GRB10: variants seen among roughly 807,000 people sequenced by gnomAD.
GRB10 encodes the protein growth factor receptor bound protein 10.
In GRB10, 20 loss-of-function variants were observed where a neutral mutation model predicts 80.9. That is an observed-to-expected ratio of 0.25 (90% CI 0.17 to 0.36). GRB10 has a LOEUF of 0.36. Ranked by LOEUF, GRB10 falls within the 10% of genes least tolerant of loss-of-function variation. GRB10 has a pLI of 1.00. For synonymous variants in GRB10, 291 were observed against 291.5 expected (o/e 1.00, Z 0.02); for missense variants, 548 against 747.7 (o/e 0.73, Z 3.12).
At chr7:50,654,488 G>A (rs969941702) in intron 7 of GRB10, among the ~76,000 whole-genome samples, 4 of 152,208 alleles carry the variant, frequency 2.6e-5, no homozygotes, top group African/African-American at 7.2e-5. Context: ...GGATGACCTG[G>A]TCAGTTCTGT....
chr7:50,611,399 G>A (rs535232379), intron 13 of GRB10, among the ~76,000 whole-genome samples: 39 of 152,290 alleles, frequency 2.6e-4, no homozygotes, highest in Admixed American at 1.0e-3. Context: ...ACTGAAAACC[G>A]GCTTACACAG....
At chr7:50,670,377 C>T (rs1425169900) in intron 6 of GRB10, among the ~76,000 whole-genome samples, 1 of 152,050 alleles carries the variant, frequency 6.6e-6, no homozygotes, top group East Asian at 1.9e-4. Context: ...TGCATTAATA[C>T]TACCGAACTG....
In GRB10 at chr7:50,755,908, G is replaced by A. The variant is rs1449259995; in HGVS notation, c.-68C>T. 2 of 398,730 alleles carry A rather than the reference G, an allele frequency of 5.0e-6. No homozygotes were observed. The highest frequency in any genetic ancestry group is 4.1e-5 in the African/African-American group (2 of 48,640). 24.7% of individuals were successfully genotyped at this position (398,730 alleles called of 1,614,324 possible). On this transcript the variant is annotated 5_prime_UTR_variant, in exon 3 of 19. Transcript: ENST00000401949. Reference sequence around the variant, plus strand: ...TTACCTGTCAGGAGTTGGCTCTGTAGCACTGTCTGCTGGGGCGGCCACCCT... The same window carrying A: ...TTACCTGTCAGGAGTTGGCTCTGTAACACTGTCTGCTGGGGCGGCCACCCT...
chr7:50,710,851 G>A (rs1224501687), intron 4 of GRB10: 1 of 1,611,748 alleles, frequency 6.2e-7, no homozygotes, highest in African/African-American at 1.3e-5. Context: ...GGTACTGAGT[G>A]TTCGGTAGAC....
chr7:50,619,136 T>A (rs2051185330), intron 9 of GRB10, 34 bp downstream of exon 9: 3 of 1,274,844 alleles, frequency 2.4e-6, no homozygotes, highest in Non-Finnish European at 3.4e-6. Flanking sequence ...ATTTCAAGAG[T>A]CCCAAACCCC....
At chr7:50,715,829 G>GA (rs777375917) in intron 4 of GRB10, among the ~76,000 whole-genome samples, 1 of 152,164 alleles carries the variant, frequency 6.6e-6, no homozygotes, top group Non-Finnish European at 1.5e-5. Context: ...AACTAAAACT[G>GA]AAACAGTTTT....
chr7:50,660,203 A>G (rs2059104174), intron 7 of GRB10, among the ~76,000 whole-genome samples: 1 of 152,062 alleles, frequency 6.6e-6, no homozygotes, highest in Non-Finnish European at 1.5e-5. Flanking sequence ...TGCAGCCATC[A>G]TGCCGCGTCC....
At chr7:50,792,323 T>C (rs2153718113) in intron 1 of GRB10, 2 of 377,928 alleles carry the variant, frequency 5.3e-6, no homozygotes. Flanking sequence ...TCCAGGACCC[T>C]GTAAAAATCA....
At chr7:50,788,351 C>T (rs2078779196) in intron 1 of GRB10, among the ~76,000 whole-genome samples, 1 of 152,112 alleles carries the variant, frequency 6.6e-6, no homozygotes, top group Non-Finnish European at 1.5e-5. Flanking sequence ...GGTTCCTGAC[C>T]CTCGACTCCC....
At chr7:50,721,951 G>A (rs945112617) in intron 4 of GRB10, among the ~76,000 whole-genome samples, 18 of 152,220 alleles carry the variant, frequency 1.2e-4, no homozygotes, top group Admixed American at 2.6e-4. Flanking sequence ...AAGACAGCGC[G>A]TGGAGCGGGG....
At chr7:50,616,605 A>G (rs1369391021) in intron 10 of GRB10, among the ~76,000 whole-genome samples, 1 of 152,200 alleles carries the variant, frequency 6.6e-6, no homozygotes, top group African/African-American at 2.4e-5. Flanking sequence ...TCCCTATAAG[A>G]TAGTGCACTG....
At position 50,590,686 on chromosome 7, in the gene GRB10, G is replaced by A. The variant is rs2045742598; in HGVS notation, c.*2266C>T. ...AATGTCCTTCCGTCCCCGGTTTGCG[G>A]GACTTGTTCTCAGGTGGAATTCCCA... On this transcript the variant is annotated 3_prime_UTR_variant, in exon 19 of 19. Coordinates refer to ENST00000401949, the MANE Select transcript of GRB10 (RefSeq NM_001350814.2). 1 of 152,624 alleles carries A rather than the reference G, an allele frequency of 6.6e-6. No homozygotes were observed. Among genetic ancestry groups the A allele is most frequent in the African/African-American group, 2.4e-5 (1 of 41,440 alleles). 9.5% of individuals were successfully genotyped at this position (152,624 alleles called of 1,614,324 possible). A position where few individuals can be genotyped will look rare whatever the true frequency, so the allele number is the denominator to read the frequency against.
At chr7:50,630,073 C>T (rs2053724806) in intron 7 of GRB10, among the ~76,000 whole-genome samples, 1 of 152,242 alleles carries the variant, frequency 6.6e-6, no homozygotes. Flanking sequence ...TCTATCCCGG[C>T]TTAGCCTCCT....
intron 18 of GRB10, among the ~76,000 whole-genome samples, chr7:50,594,202 AC>A (rs2046244658): frequency 6.6e-6 from 1 of 151,970 alleles, no homozygotes; most frequent in Non-Finnish European, 1.5e-5. Context: ...TCTGTTCCTC[AC>A]CCCAGTGCGG....
chr7:50,695,025 C>T (rs1020899668), intron 5 of GRB10, among the ~76,000 whole-genome samples: 1 of 152,136 alleles, frequency 6.6e-6, no homozygotes, highest in African/African-American at 2.4e-5. Context: ...GGCTCTCTCC[C>T]TCCCCGTGCC....
At chr7:50,650,555 C>T (rs987657022) in intron 7 of GRB10, among the ~76,000 whole-genome samples, 2 of 152,214 alleles carry the variant, frequency 1.3e-5, no homozygotes, top group African/African-American at 4.8e-5. Context: ...TCAATGACTA[C>T]AGACTCAACG....
At chr7:50,708,972 C>T (rs1023538482) in intron 4 of GRB10, among the ~76,000 whole-genome samples, 2 of 152,204 alleles carry the variant, frequency 1.3e-5, no homozygotes, top group Admixed American at 6.5e-5. Flanking sequence ...CAGTACCCAG[C>T]TGTGAGTCCG....
At chr7:50,648,636 A>C (rs1360136622) in intron 7 of GRB10, among the ~76,000 whole-genome samples, 1 of 151,990 alleles carries the variant, frequency 6.6e-6, no homozygotes, top group African/African-American at 2.4e-5. Flanking sequence ...ACGCCTGGGG[A>C]CTTTCCAGTT....
chr7:50,715,217 G>T (rs2066661635), intron 4 of GRB10, among the ~76,000 whole-genome samples: 1 of 151,604 alleles, frequency 6.6e-6, no homozygotes, highest in Non-Finnish European at 1.5e-5. Flanking sequence ...CCCTTTGAAG[G>T]GCAGGCGCGA....
Sources: gnomAD v4.1 joint callset for allele counts (sites outside exome capture counted in the v4.1 genomes callset) on GRCh38, gnomAD v4.1.1 for gene constraint, MANE v1.5 for transcripts, NCBI Gene and HGNC (gene_info 2026-07-23, HGNC 2026-07-21) for gene names.